The following SGPP2 variants were observed in gnomAD, a reference collection of about 807,000 sequenced individuals.
SGPP2 encodes sphingosine 1-phosphate phosphohydrolase 2.
Under a neutral mutation model 33.9 loss-of-function variants are expected in SGPP2, and 30 were observed. The ratio of observed to expected loss-of-function variants is 0.89; its 90% CI spans 0.66 to 1.20. The LOEUF is 1.20. Ranked by LOEUF, SGPP2 falls within the 50% of genes most tolerant of loss-of-function variation. SGPP2 has a pLI of 0.00. For missense variants in SGPP2, 458 were observed against 532.1 expected (o/e 0.86, Z 1.37); for synonymous variants, 233 against 225.0 (o/e 1.04, Z -0.32).
At chr2:222,430,090 T>A (rs202052433) in intron 1 of SGPP2, among the ~76,000 whole-genome samples, 1 of 151,740 alleles carries the variant, frequency 6.6e-6, no homozygotes. Context: ...GTGCAAAAAA[T>A]AAAAAAAATA....
chr2:222,508,321 C>T (rs369468083), intron 2 of SGPP2, among the ~76,000 whole-genome samples: 4 of 152,184 alleles, frequency 2.6e-5, no homozygotes, highest in Admixed American at 6.5e-5. Flanking sequence ...TGCTAGACGG[C>T]GTGGTGTGGT....
intron 2 of SGPP2, among the ~76,000 whole-genome samples, chr2:222,521,042 T>C (rs1261148759): frequency 6.6e-6 from 1 of 152,234 alleles, no homozygotes; most frequent in Non-Finnish European, 1.5e-5. Flanking sequence ...TTATAGGCAT[T>C]AGCCACTGCA....
chr2:222,542,988 G>A (rs1168992171), intron 4 of SGPP2, among the ~76,000 whole-genome samples: 2 of 151,874 alleles, frequency 1.3e-5, no homozygotes, highest in Admixed American at 6.6e-5. Context: ...ATGAGGTCTC[G>A]CTATGTCACC....
chr2:222,473,071 T>G (rs1224714766), intron 1 of SGPP2, among the ~76,000 whole-genome samples: 1 of 152,056 alleles, frequency 6.6e-6, no homozygotes, highest in East Asian at 1.9e-4. Flanking sequence ...ACTGAATTCC[T>G]CCCATGGGTA....
chr2:222,513,493 G>A (rs529698603), intron 2 of SGPP2, among the ~76,000 whole-genome samples: 1 of 152,098 alleles, frequency 6.6e-6, no homozygotes, highest in African/African-American at 2.4e-5. Context: ...ATTTACTGTG[G>A]TTGGTTAAGT....
rs904188211 is a variant in SGPP2, at chr2:222,522,667, TTTTATTTGTTTG to T, written c.558+737_558+748del. Reference sequence around the variant, plus strand: ...AGTGTTATCTTTTACCCATTGGATGTTTTATTTGTTTGTTTATTTGTTTGTTTGATTTTAAGA... The same window carrying T: ...AGTGTTATCTTTTACCCATTGGATGTTTTATTTGTTTGTTTGATTTTAAGA... On this transcript the variant is annotated intron_variant, in intron 3 of 4. Coordinates refer to ENST00000321276, the MANE Select transcript of SGPP2 (RefSeq NM_152386.4). Among the ~76,000 whole-genome samples, 7 of 152,238 alleles carry T rather than the reference TTTTATTTGTTTG, an allele frequency of 4.6e-5. No individual in the cohort carries two copies. In the East Asian group the frequency reaches 9.6e-4, roughly 21 times the overall value.
At chr2:222,513,106 G>A (rs1327931092) in intron 2 of SGPP2, among the ~76,000 whole-genome samples, 4 of 152,222 alleles carry the variant, frequency 2.6e-5, no homozygotes, top group African/African-American at 9.6e-5. Flanking sequence ...ATGAATGAGA[G>A]TTCCTATTGT....
chr2:222,446,960 C>T (rs1209541570), intron 1 of SGPP2, among the ~76,000 whole-genome samples: 2 of 152,066 alleles, frequency 1.3e-5, no homozygotes, highest in Non-Finnish European at 2.9e-5. Flanking sequence ...GACAGTAGTC[C>T]CTGTTAATAG....
chr2:222,432,192 T>G (rs1201388894), intron 1 of SGPP2, among the ~76,000 whole-genome samples: 1 of 152,160 alleles, frequency 6.6e-6, no homozygotes, highest in Non-Finnish European at 1.5e-5. Context: ...GAGGTGCTTG[T>G]GTGAGTATGG....
In SGPP2 at chr2:222,457,304, T is replaced by G. The variant is rs554641967; in HGVS notation, c.220-17264T>G. Among the ~76,000 whole-genome samples the G allele has an allele frequency of 2.0e-5, 3 of 152,302 alleles. No homozygotes were observed. In the East Asian group the frequency reaches 5.8e-4, roughly 29 times the overall value. ...TTATTTTGGAGCCAGAATAAATTCT[T>G]GATATTTATTATGTACGATGTTATG... On this transcript the variant is annotated intron_variant, in intron 1 of 4. Coordinates refer to ENST00000321276, the MANE Select transcript of SGPP2 (RefSeq NM_152386.4).
chr2:222,559,338 G>C lies in SGPP2; in HGVS notation c.*440G>C, dbSNP rs76172764. 2.4e-5 allele frequency: 4 copies of C among 167,918 alleles called. No individual in the cohort carries two copies. Among genetic ancestry groups the C allele is most frequent in the Non-Finnish European group, 5.2e-5 (4 of 76,452 alleles). The allele number at this position is 167,918 out of a possible 1,614,324, so 10.4% of individuals were successfully genotyped here. A position where few individuals can be genotyped will look rare whatever the true frequency, so the allele number is the denominator to read the frequency against. ...GCTGGAGGTAGAGCCTTTCTTTTCC[G>C]TTACAACCTTGCCTAGCATGGAGTT... On this transcript the variant is annotated 3_prime_UTR_variant, in exon 5 of 5. Transcript: ENST00000321276.
intron 1 of SGPP2, among the ~76,000 whole-genome samples, chr2:222,456,030 GA>G (rs1468625792): frequency 6.6e-6 from 1 of 152,180 alleles, no homozygotes; most frequent in Non-Finnish European, 1.5e-5. Context: ...GGTGAGCTAT[GA>G]CTGTGCCACT....
intron 1 of SGPP2, among the ~76,000 whole-genome samples, chr2:222,441,675 T>C (rs1401995891): frequency 6.6e-6 from 1 of 152,198 alleles, no homozygotes; most frequent in Non-Finnish European, 1.5e-5. Flanking sequence ...CTGCATTGTT[T>C]ACAATACGAA....
chr2:222,548,992 T>A (rs1689248460), intron 4 of SGPP2, among the ~76,000 whole-genome samples: 3 of 152,252 alleles, frequency 2.0e-5, no homozygotes, highest in African/African-American at 7.2e-5. Flanking sequence ...TTTGTTTCAG[T>A]TTGTTTTAAT....
chr2:222,463,867 T>A (rs1174440672), intron 1 of SGPP2, among the ~76,000 whole-genome samples: 2 of 152,210 alleles, frequency 1.3e-5, no homozygotes, highest in African/African-American at 4.8e-5. Flanking sequence ...CAGTGCCTTT[T>A]AATGCTTCAG....
intron 1 of SGPP2, among the ~76,000 whole-genome samples, chr2:222,470,411 T>C (rs923331547): frequency 1.8e-4 from 27 of 152,202 alleles, no homozygotes; most frequent in Admixed American, 1.7e-3. Context: ...ATCTAAGAAA[T>C]CCTTGGGGTG....
chr2:222,445,385 C>G (rs540213818), intron 1 of SGPP2, among the ~76,000 whole-genome samples: 1 of 152,324 alleles, frequency 6.6e-6, no homozygotes, highest in East Asian at 1.9e-4. Context: ...CTTTCCAGTT[C>G]CAGTTGCTTC....
At chr2:222,469,034 A>G (rs774431716) in intron 1 of SGPP2, among the ~76,000 whole-genome samples, 27 of 152,228 alleles carry the variant, frequency 1.8e-4, no homozygotes, top group African/African-American at 6.3e-4. Context: ...AAACTAATAA[A>G]TAAGAGCCTC....
At chr2:222,557,764 C>T (rs1474663580) in intron 4 of SGPP2, among the ~76,000 whole-genome samples, 3 of 152,168 alleles carry the variant, frequency 2.0e-5, no homozygotes, top group Non-Finnish European at 4.4e-5. Context: ...ATTGTATGCA[C>T]GCTGTTTGAA....
Sources: allele counts gnomAD v4.1 joint callset (sites outside exome capture counted in the v4.1 genomes callset), GRCh38; gene constraint gnomAD v4.1.1; transcripts MANE v1.5; gene names NCBI Gene and HGNC (gene_info 2026-07-23, HGNC 2026-07-21).